HMHB1: variants seen among roughly 807,000 people sequenced by gnomAD.
HMHB1 encodes the protein minor histocompatibility protein HB-1.
Under a neutral mutation model 2.4 loss-of-function variants are expected in HMHB1, and 4 were observed. The ratio of observed to expected loss-of-function variants is 1.65; its 90% CI spans 0.81 to 3.77. HMHB1 has a LOEUF of 3.77. HMHB1 is among the 30% of genes most tolerant of loss of function. HMHB1 has a pLI of 0.01. For missense variants in HMHB1, 57 were observed against 44.2 expected (o/e 1.29, Z -0.82); for synonymous variants, 22 against 17.6 (o/e 1.25, Z -0.63).
chr5:143,815,023 T>C (rs192916575), intron 1 of HMHB1, among the ~76,000 whole-genome samples: 8 of 152,356 alleles, frequency 5.3e-5, no homozygotes, highest in Admixed American at 1.3e-4. Flanking sequence ...TGTTGCTCTG[T>C]CTGATACTGT....
chr5:143,819,008 G>A (rs562916224), intron 1 of HMHB1, among the ~76,000 whole-genome samples: 233 of 152,268 alleles, frequency 1.5e-3, no homozygotes, highest in Admixed American at 3.3e-3. Flanking sequence ...AAAAACAAAA[G>A]ACCATTCTTT....
chr5:143,814,346 T>C (rs1759725224), intron 1 of HMHB1, among the ~76,000 whole-genome samples: 1 of 152,258 alleles, frequency 6.6e-6, no homozygotes, highest in African/African-American at 2.4e-5. Flanking sequence ...TTATTTGTTA[T>C]TCTTTGTCTC....
chr5:143,817,995 C>T (rs1366381210), intron 1 of HMHB1, among the ~76,000 whole-genome samples: 1 of 151,992 alleles, frequency 6.6e-6, no homozygotes, highest in Non-Finnish European at 1.5e-5. Flanking sequence ...CAGCAATATC[C>T]CCAAACTGAT....
chr5:143,820,607 G>T lies in HMHB1; in HGVS notation c.*39G>T. 1 of 1,334,322 alleles carries T rather than the reference G, an allele frequency of 7.5e-7. No homozygotes were observed. The highest frequency in any genetic ancestry group is 1.1e-6 in the Non-Finnish European group (1 of 926,584). The allele number at this position is 1,334,322 out of a possible 1,614,324, so 82.7% of individuals were successfully genotyped here. Reference sequence around the variant, plus strand: ...GTTTGACTCGAAGCCCAGAGTTTTGGTGTGGATGAGCAGGGACAAATTGCT... The same window carrying T: ...GTTTGACTCGAAGCCCAGAGTTTTGTTGTGGATGAGCAGGGACAAATTGCT... On this transcript the variant is annotated 3_prime_UTR_variant, in exon 2 of 2. Transcript: ENST00000289448.
At chr5:143,813,302 T>C (rs945868829) in intron 1 of HMHB1, among the ~76,000 whole-genome samples, 10 of 152,238 alleles carry the variant, frequency 6.6e-5, no homozygotes, top group Admixed American at 2.6e-4. Context: ...CTTTCAAATG[T>C]CACCTCTTCT....
intron 1 of HMHB1, among the ~76,000 whole-genome samples, chr5:143,813,708 ATAAAATTCTTTTG>A (rs1238923131): frequency 6.6e-6 from 1 of 152,248 alleles, no homozygotes; most frequent in Non-Finnish European, 1.5e-5. Context: ...AGAATAACAA[ATAAAATTCTTTTG>A]TAAGGATGTG....
At chr5:143,812,361 C>G in intron 1 of HMHB1, 57 bp downstream of exon 1, 1 of 1,478,366 alleles carries the variant, frequency 6.8e-7, no homozygotes, top group South Asian at 1.2e-5. Flanking sequence ...AGCGAAGGGG[C>G]AGAGAAAATG....
At chr5:143,816,361 C>A (rs1759749516) in intron 1 of HMHB1, among the ~76,000 whole-genome samples, 2 of 151,950 alleles carry the variant, frequency 1.3e-5, no homozygotes, top group Admixed American at 1.3e-4. Context: ...CCCTTCCCAC[C>A]CTTTCCCCCT....
In HMHB1 at chr5:143,814,520, G is replaced by A. The variant is rs1319282576; in HGVS notation, c.37+2216G>A. Among the ~76,000 whole-genome samples the A allele has an allele frequency of 3.3e-5, 5 of 152,092 alleles. No individual in the cohort carries two copies. The East Asian group carries it at 9.6e-4, about 29-fold the overall frequency. On this transcript the variant is annotated intron_variant, in intron 1 of 1. Coordinates refer to ENST00000289448, the MANE Select transcript of HMHB1 (RefSeq NM_021182.3). The stretch of plus-strand genomic sequence containing the variant: ...CAGTTCATAGTAGGAGCTCACTCAG[G>A]ACTTAGCTGTCAGAGAGAGGACAGT...
At chr5:143,812,401 A>G (rs975927302) in intron 1 of HMHB1, 97 bp downstream of exon 1, 2 of 1,147,984 alleles carry the variant, frequency 1.7e-6, no homozygotes, top group African/African-American at 3.1e-5. Context: ...TGAGAGGGAA[A>G]CCACAACAGG....
Position 143,815,527 on chromosome 5 carries a change from CT to C in HMHB1, c.37+3235del, listed in dbSNP as rs57716897. ...TTTTCTTTTTTCCTTGTATTTTTTT[CT>C]TTTTTTTTTTTGAGATGCAGTCTCG... On this transcript the variant is annotated intron_variant, in intron 1 of 1. Transcript: ENST00000289448. Among the ~76,000 whole-genome samples the C allele has an allele frequency of 4.7e-3, 674 of 144,060 alleles. 3 individuals are homozygous for C. The highest frequency in any genetic ancestry group is 0.012 in the African/African-American group (492 of 39,390). The allele number at this position is 144,060 out of a possible 152,430, so 94.5% of individuals were successfully genotyped here.
At chr5:143,816,385 C>T (rs981955874) in intron 1 of HMHB1, among the ~76,000 whole-genome samples, 2 of 152,116 alleles carry the variant, frequency 1.3e-5, no homozygotes, top group African/African-American at 4.8e-5. Flanking sequence ...TCCCCAAAGT[C>T]CACTGTGTCA....
chr5:143,816,072 C>G (rs949157044), intron 1 of HMHB1, among the ~76,000 whole-genome samples: 5 of 152,174 alleles, frequency 3.3e-5, no homozygotes, highest in African/African-American at 1.2e-4. Flanking sequence ...AAGAATCTCC[C>G]TATTTTAAGG....
intron 1 of HMHB1, among the ~76,000 whole-genome samples, 142 bp from the exon 2 acceptor site, chr5:143,820,318 TAAAAAAAAAAAAAAAAAAAA>T (rs60960654): frequency 2.1e-5 from 1 of 47,564 alleles, no homozygotes; most frequent in Non-Finnish European, 4.1e-5. Context: ...TCATCATAAG[TAAAAAAAAAAAAAAAAAAAA>T]AAAAAAAAAA....
At position 143,814,752 on chromosome 5, in the gene HMHB1, C is replaced by G. The variant is rs73291471; in HGVS notation, c.37+2448C>G. ...TATTATTAGCATAATCCAAGCTGGC[C>G]TCACCTACAAATAGAGTCATAATTA... On this transcript the variant is annotated intron_variant, in intron 1 of 1. Coordinates refer to ENST00000289448, the MANE Select transcript of HMHB1 (RefSeq NM_021182.3). 2.1e-3 allele frequency among the ~76,000 whole-genome samples: 323 copies of G among 152,260 alleles called. 5 individuals are homozygous for G. The highest frequency in any genetic ancestry group is 7.3e-3 in the African/African-American group (305 of 41,546).
At chr5:143,814,935 C>T (rs1217654703) in intron 1 of HMHB1, among the ~76,000 whole-genome samples, 3 of 152,182 alleles carry the variant, frequency 2.0e-5, no homozygotes, top group Non-Finnish European at 2.9e-5. Context: ...TGACCTAGCT[C>T]TCATTTGTTG....
chr5:143,814,668 T>C (rs1759728903), intron 1 of HMHB1, among the ~76,000 whole-genome samples: 1 of 152,246 alleles, frequency 6.6e-6, no homozygotes, highest in Non-Finnish European at 1.5e-5. Flanking sequence ...CAATCGTCTC[T>C]AATTATATTT....
In HMHB1 at chr5:143,820,318, T is replaced by TAAAAAAAAAAAAAAAAAAAA. The variant is rs60960654; in HGVS notation, c.38-149_38-130dup. On this transcript the variant is annotated intron_variant, in intron 1 of 1. Coordinates refer to ENST00000289448, the MANE Select transcript of HMHB1 (RefSeq NM_021182.3). ...AGGTGCTGCCCCGGCTCATCATAAG[T>TAAAAAAAAAAAAAAAAAAAA]AAAAAAAAAAAAAAAAAAAAAAAAA... Among the ~76,000 whole-genome samples the TAAAAAAAAAAAAAAAAAAAA allele has an allele frequency of 9.7e-4, 46 of 47,572 alleles. 3 individuals carry two copies. Among genetic ancestry groups the TAAAAAAAAAAAAAAAAAAAA allele is most frequent in the African/African-American group, 1.3e-3 (19 of 14,230 alleles). The allele number at this position is 47,572 out of a possible 152,430, so 31.2% of individuals were successfully genotyped here. A position where few individuals can be genotyped will look rare whatever the true frequency, so the allele number is the denominator to read the frequency against.
chr5:143,819,260 G>T (rs1421488897), intron 1 of HMHB1, among the ~76,000 whole-genome samples: 1 of 152,180 alleles, frequency 6.6e-6, no homozygotes, highest in Non-Finnish European at 1.5e-5. Flanking sequence ...GGAGCATGGA[G>T]TCACATAATA....
Sources: gnomAD v4.1 joint callset for allele counts (sites outside exome capture counted in the v4.1 genomes callset) on GRCh38, gnomAD v4.1.1 for gene constraint, MANE v1.5 for transcripts, NCBI Gene and HGNC (gene_info 2026-07-23, HGNC 2026-07-21) for gene names.